COX7A2L: variants seen among roughly 807,000 people sequenced by gnomAD.
COX7A2L encodes cytochrome c oxidase subunit 7A2 like, also known as cytochrome c oxidase subunit 7A2-like, mitochondrial.
Under a neutral mutation model 14.2 loss-of-function variants are expected in COX7A2L, and 18 were observed. That is an observed-to-expected ratio of 1.27 (90% CI 0.88 to 1.88). The LOEUF (loss-of-function observed/expected upper bound fraction) is 1.88, where lower values mean the gene tolerates loss of function less well. Among genes scored for constraint, COX7A2L ranks in the 40% most tolerant of loss-of-function variants. The pLI is 0.00. For synonymous variants in COX7A2L, 65 were observed against 57.4 expected, an observed-to-expected ratio of 1.13 and a Z score of -0.60; for missense variants, 179 against 138.8, an observed-to-expected ratio of 1.29 and a Z score of -1.46.
In COX7A2L at chr2:42,338,369, A is replaced by T. The variant is rs1166799025; in HGVS notation, c.193-4500T>A. Among the ~76,000 whole-genome samples the T allele has an allele frequency of 6.6e-6, 1 of 152,120 alleles. No individual in the cohort carries two copies. The highest frequency in any genetic ancestry group is 1.9e-4 in the East Asian group (1 of 5,182). The stretch of plus-strand genomic sequence containing the variant: ...TTAATCAAATGGAAAGGAAGAGCAG[A>T]ATTTCACTCTCTAGCAGAGCCCTCC... On this transcript the variant is annotated intron_variant, in intron 2 of 2. Coordinates refer to the COX7A2L transcript ENST00000468711. This position sits in a 1 kb window ranked among gnomAD's most constrained non-coding sequence, Gnocchi z 4.4.
upstream of COX7A2L, chr2:42,361,539 G>A: frequency 5.6e-6 from 1 of 178,236 alleles, no homozygotes; most frequent in African/African-American, 2.4e-5. Context: ...GTCAGGTGGA[G>A]CATGCTTTAG....
chr2:42,341,856 A>C (rs948142651), intron 2 of COX7A2L, among the ~76,000 whole-genome samples: 1 of 152,242 alleles, frequency 6.6e-6, no homozygotes, highest in Admixed American at 6.5e-5. Flanking sequence ...TATTCACTTT[A>C]ATTATTCAGT....
At chr2:42,341,096 CAG>C (rs1422168452) in intron 2 of COX7A2L, among the ~76,000 whole-genome samples, 2 of 152,124 alleles carry the variant, frequency 1.3e-5, no homozygotes, top group African/African-American at 4.8e-5. Context: ...AGAAAACAAA[CAG>C]AAAAAATATG....
intron 2 of COX7A2L, among the ~76,000 whole-genome samples, chr2:42,341,379 T>G (rs1449176113): frequency 6.6e-6 from 1 of 152,202 alleles, no homozygotes; most frequent in African/African-American, 2.4e-5. Flanking sequence ...AAGTCCCACC[T>G]GGGCAGACCA....
chr2:42,337,070 T>C (rs1464495797), intron 2 of COX7A2L, among the ~76,000 whole-genome samples: 1 of 152,244 alleles, frequency 6.6e-6, no homozygotes, highest in Admixed American at 6.5e-5. Flanking sequence ...CTAGATGCTA[T>C]AATGTATAAT....
rs1309089184 is a variant in COX7A2L, at chr2:42,342,730, G to T, written c.193-8861C>A. On this transcript the variant is annotated intron_variant, in intron 2 of 2. Transcript: ENST00000468711. This position sits in a 1 kb window ranked among gnomAD's most constrained non-coding sequence, Gnocchi z 4.9. The stretch of plus-strand genomic sequence containing the variant: ...CAAGAGAAGGCAGGATGTCCCAGGA[G>T]GGCTGTGTCAGAACTCAAGGAAAAA... 6.6e-6 allele frequency among the ~76,000 whole-genome samples: 1 copy of T among 152,198 alleles called. No individual in the cohort carries two copies. Among genetic ancestry groups the T allele is most frequent in the East Asian group, 1.9e-4 (1 of 5,194 alleles).
intron 2 of COX7A2L, among the ~76,000 whole-genome samples, chr2:42,336,480 A>G (rs1014927942): frequency 6.6e-6 from 1 of 152,158 alleles, no homozygotes; most frequent in Non-Finnish European, 1.5e-5. Flanking sequence ...AGGGAGGAAA[A>G]GGAATTTCTT....
chr2:42,336,350 T>C (rs1475012893), intron 2 of COX7A2L, among the ~76,000 whole-genome samples: 4 of 152,202 alleles, frequency 2.6e-5, no homozygotes, highest in Non-Finnish European at 5.9e-5. Context: ...TTACTAAGTA[T>C]CTCAGTGGGA....
downstream of COX7A2L, among the ~76,000 whole-genome samples, chr2:42,347,701 C>G (rs1427160327): frequency 6.6e-6 from 1 of 152,184 alleles, no homozygotes; most frequent in Non-Finnish European, 1.5e-5. Context: ...GCACGTGGAT[C>G]ACCTGAGGTC....
At chr2:42,365,322 T>A (rs1201292176), upstream of COX7A2L, among the ~76,000 whole-genome samples, 2 of 152,138 alleles carry the variant, frequency 1.3e-5, no homozygotes, top group Non-Finnish European at 2.9e-5. Context: ...TAAGCCCACA[T>A]ACACACACAG....
At chr2:42,336,000 G>A (rs1054118387) in intron 2 of COX7A2L, among the ~76,000 whole-genome samples, 1 of 152,178 alleles carries the variant, frequency 6.6e-6, no homozygotes, top group African/African-American at 2.4e-5. Flanking sequence ...TCTGACCATG[G>A]GCACAGAAGT....
At chr2:42,336,587 C>T (rs1012831419) in intron 2 of COX7A2L, among the ~76,000 whole-genome samples, 10 of 152,124 alleles carry the variant, frequency 6.6e-5, no homozygotes, top group East Asian at 1.9e-4. Context: ...CAGGAGACTC[C>T]GGAGCCTGCC....
chr2:42,362,414 C>T (rs1299977331), upstream of COX7A2L, among the ~76,000 whole-genome samples: 2 of 152,110 alleles, frequency 1.3e-5, no homozygotes, highest in African/African-American at 2.4e-5. Flanking sequence ...TATAGCATTG[C>T]CCTAAACTCA....
intron 2 of COX7A2L, among the ~76,000 whole-genome samples, chr2:42,336,233 T>G (rs1670268963): frequency 6.6e-6 from 1 of 152,222 alleles, no homozygotes. Flanking sequence ...AATTTTGATC[T>G]TCCGTCCCTT....
chr2:42,349,585 G>C lies in COX7A2L; in HGVS notation c.*1634C>G, dbSNP rs1432605409. The C allele has an allele frequency of 6.6e-6, 1 of 152,162 alleles. No individual in the cohort carries two copies. Among genetic ancestry groups the C allele is most frequent in the Non-Finnish European group, 1.5e-5 (1 of 68,022 alleles). 9.4% of individuals were successfully genotyped at this position (152,162 alleles called of 1,614,324 possible). On this transcript the variant is annotated 3_prime_UTR_variant, in exon 3 of 3. Transcript: ENST00000234301. ...GTAAAAACCAATGAATTGTACACTT[G>C]AGGTGAACTGTACAGTATGTAAATT...
Position 42,336,744 on chromosome 2 carries a change from C to T in COX7A2L, c.193-2875G>A, listed in dbSNP as rs1047339229. Among the ~76,000 whole-genome samples the T allele has an allele frequency of 6.9e-4, 105 of 152,204 alleles. 2 individuals are homozygous for T. Among genetic ancestry groups the T allele is most frequent in the Admixed American group, 6.6e-3 (101 of 15,280 alleles). ...CAAGCCAGATGCCTTACAGCAGCTC[C>T]TCTTCTACGGACTTCAGTCTCTCTA... On this transcript the variant is annotated intron_variant, in intron 2 of 2. Transcript: ENST00000468711.
chr2:42,367,760 T>G (rs991331513), intron 1 of COX7A2L, among the ~76,000 whole-genome samples: 5 of 151,602 alleles, frequency 3.3e-5, no homozygotes, highest in African/African-American at 4.9e-5. Context: ...AACCCAGGGG[T>G]TTCCAGCAAA....
chr2:42,339,642 T>C lies in COX7A2L; in HGVS notation c.193-5773A>G, dbSNP rs1439827420. ...TTTCTTATTTTTAACACTTTTTAAA[T>C]TTATTACTTCCAATAAAGTGCAGAA... On this transcript the variant is annotated intron_variant, in intron 2 of 2. Coordinates refer to the COX7A2L transcript ENST00000468711. The surrounding 1 kb of genome is among the most constrained non-coding windows in gnomAD (Gnocchi z 5.4). Among the ~76,000 whole-genome samples, 1 of 152,172 alleles carries C rather than the reference T, an allele frequency of 6.6e-6. No individual in the cohort carries two copies. Among genetic ancestry groups the C allele is most frequent in the Non-Finnish European group, 1.5e-5 (1 of 68,048 alleles).
intron 2 of COX7A2L, among the ~76,000 whole-genome samples, chr2:42,337,485 G>T (rs1053109110): frequency 2.0e-5 from 3 of 152,112 alleles, no homozygotes; most frequent in African/African-American, 7.2e-5. Context: ...AACTACAAAG[G>T]GGTGGCACAA....
Sources: gnomAD v4.1 joint callset for allele counts (sites outside exome capture counted in the v4.1 genomes callset) on GRCh38, gnomAD v4.1.1 for gene constraint, Gnocchi (gnomAD v3.1) non-coding constraint, MANE v1.5 for transcripts, NCBI Gene and HGNC (gene_info 2026-07-23, HGNC 2026-07-21) for gene names.